The following PCDH11X variants were observed in gnomAD, a reference collection of about 807,000 sequenced individuals.
PCDH11X encodes protocadherin 11 X-linked.
In PCDH11X, 18 loss-of-function variants were observed where a neutral mutation model predicts 53.3. That is an observed-to-expected ratio of 0.34 (90% CI 0.23 to 0.50). The LOEUF is 0.50. PCDH11X is among the 20% of genes least tolerant of loss of function. PCDH11X has a pLI of 0.98. For missense variants in PCDH11X, 570 were observed against 1,032.4 expected (o/e 0.55, Z 6.14); for synonymous variants, 279 against 393.3 (o/e 0.71, Z 3.44).
chrX:92,104,024 G>T (rs1409274866), intron 6 of PCDH11X, among the ~76,000 whole-genome samples: 1 of 111,466 alleles, frequency 9.0e-6, no homozygotes, highest in Non-Finnish European at 1.9e-5. Context: ...AACAAGTCAT[G>T]AACTGGGCTG....
chrX:91,792,623 A>G (rs1210641833), intron 1 of PCDH11X, among the ~76,000 whole-genome samples: 2 of 111,504 alleles, frequency 1.8e-5, no homozygotes, highest in Non-Finnish European at 3.8e-5. Flanking sequence ...AAGAATTAGT[A>G]AGAACTTTAA....
At chrX:92,388,006 A>C (rs2148573547) in intron 9 of PCDH11X, 73 bp downstream of exon 9, 1 of 1,185,271 alleles carries the variant, frequency 8.4e-7, no homozygotes, top group Non-Finnish European at 1.1e-6. Flanking sequence ...TCATAGCCAT[A>C]ATAACATGGG....
At position 92,271,768 on chromosome X, in the gene PCDH11X, G is replaced by A. The variant is rs765361002; in HGVS notation, c.3144+8625G>A. ...CATCATGCTCTTTTGCAATGATGCT[G>A]GCTTTCCATAATATTTTTATATCCA... On this transcript the variant is annotated intron_variant, in intron 8 of 10. Transcript: ENST00000682573. 1.1e-4 allele frequency among the ~76,000 whole-genome samples: 12 copies of A among 111,927 alleles called. No homozygotes were observed. The East Asian group carries it at 2.8e-3, about 26-fold the overall frequency.
chrX:91,788,405 G>A (rs1935403060), intron 1 of PCDH11X, among the ~76,000 whole-genome samples: 1 of 112,061 alleles, frequency 8.9e-6, no homozygotes, highest in South Asian at 3.6e-4. Context: ...AATGCATTAA[G>A]TATTTTATTT....
chrX:91,865,947 G>A (rs1938963297), intron 5 of PCDH11X, among the ~76,000 whole-genome samples: 2 of 109,494 alleles, frequency 1.8e-5, no homozygotes, highest in African/African-American at 3.3e-5. Context: ...CCCAAGGGTC[G>A]TGTCCTGGAA....
intron 6 of PCDH11X, among the ~76,000 whole-genome samples, chrX:92,050,310 T>A (rs2063350449): frequency 9.8e-6 from 1 of 101,796 alleles, no homozygotes; most frequent in South Asian, 4.9e-4. Flanking sequence ...GGTATGGATG[T>A]AAATTGAAGG....
chrX:92,343,273 A>G (rs1238171125), intron 8 of PCDH11X, among the ~76,000 whole-genome samples: 1 of 111,819 alleles, frequency 8.9e-6, no homozygotes, highest in Non-Finnish European at 1.9e-5. Flanking sequence ...AACTTATCAC[A>G]AATCAATTGA....
At chrX:92,529,805 A>C (rs1217167897) in intron 10 of PCDH11X, among the ~76,000 whole-genome samples, 2 of 109,697 alleles carry the variant, frequency 1.8e-5, no homozygotes, top group East Asian at 5.7e-4. Context: ...TAAGAACAGA[A>C]AACTGGAATT....
At chrX:92,512,932 C>G (rs1213532130) in intron 10 of PCDH11X, among the ~76,000 whole-genome samples, 2 of 110,703 alleles carry the variant, frequency 1.8e-5, no homozygotes, top group Admixed American at 9.7e-5. Flanking sequence ...CATGGAAATG[C>G]TTTGAAGAGT....
intron 6 of PCDH11X, among the ~76,000 whole-genome samples, chrX:92,080,649 A>G (rs2563034): frequency 0.27 from 28,812 of 105,393 alleles, 5,357 homozygotes; most frequent in African/African-American, 0.6. Context: ...TCGGGACTGA[A>G]AATTATACCC....
intron 5 of PCDH11X, among the ~76,000 whole-genome samples, chrX:91,869,182 G>T (rs2147708402): frequency 9.1e-6 from 1 of 110,063 alleles, no homozygotes; most frequent in African/African-American, 3.3e-5. Flanking sequence ...GAGCAGGGAA[G>T]AAATCTTTTT....
intron 4 of PCDH11X, among the ~76,000 whole-genome samples, chrX:91,822,331 G>A (rs1483458821): frequency 9.5e-6 from 1 of 105,623 alleles, no homozygotes; most frequent in Non-Finnish European, 1.9e-5. Flanking sequence ...GTAAGCTATT[G>A]ATTATTGCCA....
chrX:92,449,730 A>G (rs1054502137), intron 9 of PCDH11X, among the ~76,000 whole-genome samples: 13 of 110,913 alleles, frequency 1.2e-4, no homozygotes, highest in African/African-American at 3.6e-4. Context: ...ATCATGCAGT[A>G]GTTAAGCCCA....
In PCDH11X at chrX:92,019,713, T is replaced by C. The variant is rs201019818; in HGVS notation, c.3033+140440T>C. On this transcript the variant is annotated intron_variant, in intron 6 of 10. Transcript: ENST00000682573. ...ACTGGGACACAGCTAAGGCAGTGTT[T>C]AGCGGGAAACTTATAGCACTAAACG... Among the ~76,000 whole-genome samples the C allele has an allele frequency of 3.6e-5, 4 of 112,199 alleles. No homozygotes were observed. The East Asian group carries it at 1.1e-3, about 32-fold the overall frequency.
intron 9 of PCDH11X, among the ~76,000 whole-genome samples, chrX:92,453,129 T>G (rs2148649412): frequency 9.5e-6 from 1 of 105,557 alleles, no homozygotes; most frequent in Non-Finnish European, 1.9e-5. Context: ...ACACAATCTA[T>G]GCAGTATTAA....
At chrX:92,599,240 T>C (rs1382578847) in intron 10 of PCDH11X, among the ~76,000 whole-genome samples, 2 of 111,782 alleles carry the variant, frequency 1.8e-5, no homozygotes, top group Non-Finnish European at 3.8e-5. Flanking sequence ...AGGGGATGGA[T>C]AACCCATATT....
intron 9 of PCDH11X, among the ~76,000 whole-genome samples, chrX:92,419,669 C>CTTTTTTTTT (rs757189751): frequency 3.7e-5 from 2 of 54,190 alleles, no homozygotes; most frequent in Admixed American, 4.7e-4. Context: ...TCCCTCCACC[C>CTTTTTTTTT]TTTTTTTTTT....
intron 6 of PCDH11X, among the ~76,000 whole-genome samples, chrX:92,050,901 A>C (rs2148046799): frequency 9.1e-6 from 1 of 110,016 alleles, no homozygotes; most frequent in Non-Finnish European, 1.9e-5. Flanking sequence ...TCAATGTAAT[A>C]AATATTTGTT....
At chrX:92,034,513 T>A (rs2063098981) in intron 6 of PCDH11X, among the ~76,000 whole-genome samples, 1 of 107,787 alleles carries the variant, frequency 9.3e-6, no homozygotes. Context: ...GTCTCTTTTT[T>A]CAGTTTTTGC....
Sources: gnomAD v4.1 joint callset for allele counts (sites outside exome capture counted in the v4.1 genomes callset) on GRCh38, gnomAD v4.1.1 for gene constraint, MANE v1.5 for transcripts, NCBI Gene and HGNC (gene_info 2026-07-23, HGNC 2026-07-21) for gene names.